Variants in C5 observed in about 807,000 individuals in gnomAD.
C5 encodes C3 and PZP-like alpha-2-macroglobulin domain-containing protein 4.
Under a neutral mutation model 218.8 loss-of-function variants are expected in C5, and 140 were observed. That is an observed-to-expected ratio of 0.64 (90% CI 0.56 to 0.74). The LOEUF is 0.74. C5 is among the 30% of genes least tolerant of loss of function. C5 has a pLI of 0.00. For missense variants in C5, 1,700 were observed against 1,969.6 expected (o/e 0.86, Z 2.59); for synonymous variants, 614 against 682.3 (o/e 0.90, Z 1.56).
intron 25 of C5, among the ~76,000 whole-genome samples, chr9:120,988,073 G>T (rs1164581050): frequency 6.6e-6 from 1 of 152,202 alleles, no homozygotes; most frequent in Non-Finnish European, 1.5e-5. Flanking sequence ...TTACAGGCGT[G>T]AGCCACCATG....
At chr9:120,973,727 C>A (rs181036661) in intron 30 of C5, among the ~76,000 whole-genome samples, 1 of 152,146 alleles carries the variant, frequency 6.6e-6, no homozygotes, top group Non-Finnish European at 1.5e-5. Context: ...ACCTGTAATC[C>A]CAGCACTTTG....
chr9:121,023,388 C>T lies in C5; in HGVS notation c.1116+16G>A, dbSNP rs779054266. 6 of 1,428,200 alleles carry T rather than the reference C, an allele frequency of 4.2e-6. No individual in the cohort carries two copies. The African/African-American group carries it at 7.0e-5, about 17-fold the overall frequency. The allele number at this position is 1,428,200 out of a possible 1,614,324, so 88.5% of individuals were successfully genotyped here. The stretch of plus-strand genomic sequence containing the variant: ...ATGATCATATGTAGCAACGTCTACC[C>T]CCTCACCCAATCTACCTTGATGGGA... On this transcript the variant is annotated intron_variant, in intron 10 of 40. Coordinates refer to ENST00000223642, the MANE Select transcript of C5 (RefSeq NM_001735.3).
At chr9:120,973,618 A>G (rs977567222) in intron 30 of C5, among the ~76,000 whole-genome samples, 13 of 152,190 alleles carry the variant, frequency 8.5e-5, no homozygotes, top group African/African-American at 2.9e-4. Context: ...GCATATATCT[A>G]TGTCTATGTT....
chr9:121,041,941 A>G (rs1465183553), intron 3 of C5, among the ~76,000 whole-genome samples: 1 of 152,208 alleles, frequency 6.6e-6, no homozygotes, highest in Non-Finnish European at 1.5e-5. Flanking sequence ...GATCATAACA[A>G]ATGCTCCTGC....
the C5 span, among the ~76,000 whole-genome samples, chr9:121,060,009 T>TA: frequency 6.6e-6 from 1 of 152,258 alleles, no homozygotes; most frequent in African/African-American, 2.4e-5. Flanking sequence ...GGTGTGTTGT[T>TA]ATCTTACGTC....
chr9:121,012,943 T>C (rs1278832057), intron 17 of C5, among the ~76,000 whole-genome samples: 1 of 152,164 alleles, frequency 6.6e-6, no homozygotes, highest in African/African-American at 2.4e-5. Context: ...GCACATGTGG[T>C]CCATCATTGA....
chr9:120,981,626 C>T (rs1468525744), intron 27 of C5, among the ~76,000 whole-genome samples: 1 of 152,186 alleles, frequency 6.6e-6, no homozygotes, highest in East Asian at 1.9e-4. Flanking sequence ...TTACTTAGTC[C>T]TCAGCTTTCT....
the C5 span, among the ~76,000 whole-genome samples, chr9:121,064,534 G>A: frequency 6.6e-6 from 1 of 152,092 alleles, no homozygotes; most frequent in South Asian, 2.1e-4. Flanking sequence ...TATTTTGAAT[G>A]TCATTTTATA....
chr9:120,996,061 C>T (rs2047113990), intron 22 of C5, among the ~76,000 whole-genome samples, 179 bp downstream of exon 22: 3 of 152,114 alleles, frequency 2.0e-5, no homozygotes, highest in African/African-American at 4.8e-5. Flanking sequence ...TCAAATGATC[C>T]ACCCACCTCG....
chr9:121,031,978 G>T, intron 6 of C5, 135 bp downstream of exon 6: 1 of 559,690 alleles, frequency 1.8e-6, no homozygotes, highest in Non-Finnish European at 3.3e-6. Context: ...GCAGAGAATT[G>T]CTTGAACCCA....
chr9:121,069,675 G>A, the C5 span, among the ~76,000 whole-genome samples: 3 of 151,970 alleles, frequency 2.0e-5, no homozygotes, highest in Non-Finnish European at 4.4e-5. Flanking sequence ...ATCACACCCA[G>A]CTAATGGTTT....
intron 37 of C5, 48 bp downstream of exon 37, chr9:120,961,434 G>T: frequency 1.7e-6 from 2 of 1,210,986 alleles, no homozygotes; most frequent in South Asian, 1.2e-5. Context: ...GGTTATGAAC[G>T]ACTGCTTTAA....
chr9:121,070,454 A>G, the C5 span, among the ~76,000 whole-genome samples: 15 of 145,516 alleles, frequency 1.0e-4, no homozygotes, highest in Non-Finnish European at 1.8e-4. Flanking sequence ...GTGTATATAT[A>G]TATGTATATT....
intron 8 of C5, 159 bp from the exon 9 acceptor site, chr9:121,025,739 A>T: frequency 1.6e-6 from 1 of 629,780 alleles, no homozygotes; most frequent in Non-Finnish European, 2.8e-6. Context: ...GATTAAGCCC[A>T]GGATGTTATT....
chr9:121,043,934 T>G (rs2047603252), intron 2 of C5, among the ~76,000 whole-genome samples: 3 of 152,088 alleles, frequency 2.0e-5, no homozygotes, highest in African/African-American at 7.2e-5. Context: ...ATGTTTGTAA[T>G]TATCCCCTTT....
chr9:120,994,305 G>T (rs907997444), intron 22 of C5, among the ~76,000 whole-genome samples: 1 of 151,872 alleles, frequency 6.6e-6, no homozygotes, highest in Non-Finnish European at 1.5e-5. Flanking sequence ...GAAATAGGCC[G>T]GGCACAGTGG....
intron 33 of C5, among the ~76,000 whole-genome samples, chr9:120,963,981 C>T (rs771111427): frequency 2.0e-5 from 3 of 152,214 alleles, no homozygotes; most frequent in Non-Finnish European, 2.9e-5. Context: ...AAGTCATCCA[C>T]ACCAAGCTAA....
At chr9:120,953,987 G>A (rs946981955) in intron 39 of C5, 119 bp from the exon 40 acceptor site, 28 of 991,376 alleles carry the variant, frequency 2.8e-5, no homozygotes, top group African/African-American at 8.0e-5. Context: ...GTGGACAGCC[G>A]TGATATCCAT....
In C5 at chr9:121,026,142, T is replaced by C. The variant is rs138590553; in HGVS notation, c.874-562A>G. 1.2e-4 allele frequency among the ~76,000 whole-genome samples: 19 copies of C among 152,312 alleles called. No homozygotes were observed. In the East Asian group the frequency reaches 3.7e-3, roughly 29 times the overall value. The stretch of plus-strand genomic sequence containing the variant: ...ACATCCCAGTGTCTAGCATAGAATT[T>C]TGCATTTTAAAAATGCATTTAATTT... On this transcript the variant is annotated intron_variant, in intron 8 of 40. Transcript: ENST00000223642.
Sources: allele counts gnomAD v4.1 joint callset (sites outside exome capture counted in the v4.1 genomes callset), GRCh38; gene constraint gnomAD v4.1.1; transcripts MANE v1.5; gene names NCBI Gene and HGNC (gene_info 2026-07-23, HGNC 2026-07-21).